TBC1D8: variants seen among roughly 807,000 people sequenced by gnomAD.
TBC1D8 encodes BUB2-like protein 1.
TBC1D8 carries 65 observed loss-of-function variants against 118.8 expected under a neutral mutation model. The observed-to-expected ratio is 0.55, with a 90% confidence interval of 0.45 to 0.67. The LOEUF is 0.67. Among genes scored for constraint, TBC1D8 ranks in the 30% least tolerant of loss-of-function variants. The pLI, the probability that TBC1D8 is intolerant of heterozygous loss-of-function variation, is 0.00. For synonymous variants in TBC1D8, 566 were observed against 595.8 expected (o/e 0.95, Z 0.73); for missense variants, 1,376 against 1,471.2 (o/e 0.94, Z 1.06).
At chr2:101,139,127 A>G (rs1010510857) in intron 1 of TBC1D8, among the ~76,000 whole-genome samples, 2 of 152,048 alleles carry the variant, frequency 1.3e-5, no homozygotes, top group African/African-American at 2.4e-5. Flanking sequence ...CCATTTCTAA[A>G]ACAACATTCC....
At position 101,007,931 on chromosome 2, in the gene TBC1D8, G is replaced by T. The variant is rs1185776343; in HGVS notation, c.3358C>A (p.Pro1120Thr). 3.1e-6 allele frequency: 5 copies of T among 1,613,882 alleles called. No individual in the cohort carries two copies. Among genetic ancestry groups the T allele is most frequent in the Non-Finnish European group, 4.2e-6 (5 of 1,179,896 alleles). Residue 1120 changes from proline to threonine, a missense_variant, in exon 20 of 20, where the codon CCA (proline) becomes ACA (threonine). By Grantham distance (38) the Pro-to-Thr change is conservative (BLOSUM62 -1). Transcript: ENST00000409318. ...TCAAGTTTGGATTTCATGTCCAGTG[G>T]CTTTTCAAAAAAGTTGACTAATGAC... ...EQSLVNFFEKPLDMKSKLENA... is the reference protein window; with the variant it reads ...EQSLVNFFEKTLDMKSKLENA...
At chr2:101,067,418 T>C (rs1029822361) in intron 2 of TBC1D8, among the ~76,000 whole-genome samples, 1 of 152,108 alleles carries the variant, frequency 6.6e-6, no homozygotes, top group Non-Finnish European at 1.5e-5. Context: ...AGGCATACCT[T>C]GGAGATAGTG....
intron 2 of TBC1D8, chr2:101,068,430 T>C: frequency 3.1e-6 from 1 of 320,782 alleles, no homozygotes; most frequent in Non-Finnish European, 5.7e-6. Flanking sequence ...AACTTAACTG[T>C]ATCCAGCAAT....
At chr2:101,076,585 A>G (rs1674838270) in intron 2 of TBC1D8, among the ~76,000 whole-genome samples, 1 of 152,254 alleles carries the variant, frequency 6.6e-6, no homozygotes, top group Non-Finnish European at 1.5e-5. Context: ...GAGAAAACAG[A>G]CTGTGCAGCC....
At chr2:101,059,683 G>T (rs1682650167) in intron 2 of TBC1D8, 144 bp from the exon 3 acceptor site, 1 of 641,070 alleles carries the variant, frequency 1.6e-6, no homozygotes, top group Non-Finnish European at 2.7e-6. Flanking sequence ...GCTCACGCCT[G>T]TAATCCCAGG....
At chr2:101,095,455 A>G (rs1482154442) in intron 1 of TBC1D8, among the ~76,000 whole-genome samples, 2 of 119,238 alleles carry the variant, frequency 1.7e-5, no homozygotes, top group Non-Finnish European at 3.2e-5. Flanking sequence ...TCCTGTGTCC[A>G]TGTGTTCTCA....
chr2:101,135,988 A>G (rs1678839825), intron 1 of TBC1D8, among the ~76,000 whole-genome samples: 1 of 152,156 alleles, frequency 6.6e-6, no homozygotes, highest in Non-Finnish European at 1.5e-5. Context: ...CCTCCCAAGT[A>G]GCTGGGACTA....
At chr2:101,054,969 A>ACCACGCC in intron 3 of TBC1D8, among the ~76,000 whole-genome samples, 1 of 151,680 alleles carries the variant, frequency 6.6e-6, no homozygotes, top group East Asian at 2.0e-4. Flanking sequence ...GGCATGAGCC[A>ACCACGCC]CCACGCCCGG....
Position 101,007,792 on chromosome 2 carries a change from C to CTCCA in TBC1D8, c.*25_*28dup, listed in dbSNP as rs1289725157. 1.3e-6 allele frequency: 2 copies of CTCCA among 1,599,760 alleles called. No individual in the cohort carries two copies. Among genetic ancestry groups the CTCCA allele is most frequent in the Non-Finnish European group, 1.7e-6 (2 of 1,170,716 alleles). Reference sequence around the variant, plus strand: ...CTGGTTCGTGCTTTGGTATGGTGGACTCCAGTGTGCATAGCAGCTGCTGTC... The same window carrying CTCCA: ...CTGGTTCGTGCTTTGGTATGGTGGACTCCATCCAGTGTGCATAGCAGCTGCTGTC... On this transcript the variant is annotated 3_prime_UTR_variant, in exon 20 of 20. Coordinates refer to ENST00000409318, the MANE Select transcript of TBC1D8 (RefSeq NM_001330348.2).
At chr2:101,125,803 T>A (rs569192989) in intron 1 of TBC1D8, among the ~76,000 whole-genome samples, 7 of 152,322 alleles carry the variant, frequency 4.6e-5, no homozygotes, top group East Asian at 3.9e-4. Flanking sequence ...TGAGGCAGGG[T>A]AACCAATATC....
chr2:101,086,318 T>C (rs991936079), intron 2 of TBC1D8, among the ~76,000 whole-genome samples: 2 of 150,194 alleles, frequency 1.3e-5, no homozygotes, highest in Non-Finnish European at 2.9e-5. Context: ...CTATCCAACA[T>C]AAAGTATCCT....
At chr2:101,097,355 G>C (rs567554155) in intron 1 of TBC1D8, among the ~76,000 whole-genome samples, 1 of 151,980 alleles carries the variant, frequency 6.6e-6, no homozygotes, top group Admixed American at 6.6e-5. Flanking sequence ...GTCAGCAACC[G>C]AAATTTATAT....
intron 1 of TBC1D8, among the ~76,000 whole-genome samples, chr2:101,120,025 G>T (rs1678024999): frequency 6.6e-6 from 1 of 152,154 alleles, no homozygotes; most frequent in African/African-American, 2.4e-5. Flanking sequence ...AAGAGAGCTA[G>T]ATCTCCCTCA....
intron 19 of TBC1D8, among the ~76,000 whole-genome samples, chr2:101,009,511 G>A (rs1293621508): frequency 6.6e-6 from 1 of 151,944 alleles, no homozygotes; most frequent in Non-Finnish European, 1.5e-5. Context: ...GTATGAACAT[G>A]GCCCGTTTTG....
intron 2 of TBC1D8, among the ~76,000 whole-genome samples, chr2:101,082,753 T>C (rs1574000233): frequency 1.3e-5 from 2 of 152,178 alleles, no homozygotes; most frequent in East Asian, 3.9e-4. Flanking sequence ...GGATCCCATC[T>C]GGGTTGCCTG....
chr2:101,137,969 G>A (rs1466665881), intron 1 of TBC1D8, among the ~76,000 whole-genome samples: 1 of 152,196 alleles, frequency 6.6e-6, no homozygotes, highest in Admixed American at 6.5e-5. Flanking sequence ...TTGGCTCACA[G>A]TTCCACAGGC....
At chr2:101,079,680 G>GCTT in intron 2 of TBC1D8, among the ~76,000 whole-genome samples, 1 of 81,792 alleles carries the variant, frequency 1.2e-5, no homozygotes, top group Non-Finnish European at 2.2e-5. Flanking sequence ...GTCCAGTCTG[G>GCTT]TTTTTTTTTT....
At chr2:101,009,821 C>CATTTTT (rs144990163) in intron 19 of TBC1D8, among the ~76,000 whole-genome samples, 3 of 134,192 alleles carry the variant, frequency 2.2e-5, no homozygotes, top group Non-Finnish European at 1.6e-5. Context: ...AAAAAAGGAG[C>CATTTTT]TTTTTCTTTT....
At chr2:101,046,160 T>G (rs894499868) in intron 5 of TBC1D8, among the ~76,000 whole-genome samples, 4 of 152,176 alleles carry the variant, frequency 2.6e-5, no homozygotes, top group Non-Finnish European at 5.9e-5. Flanking sequence ...CTTTCTTCTG[T>G]GACCCCCCCA....
Sources: allele counts gnomAD v4.1 joint callset (sites outside exome capture counted in the v4.1 genomes callset), GRCh38; gene constraint gnomAD v4.1.1; transcripts MANE v1.5; gene names NCBI Gene and HGNC (gene_info 2026-07-23, HGNC 2026-07-21).